HADH: variants seen among roughly 807,000 people sequenced by gnomAD.
The protein encoded by HADH is hydroxyacyl-CoA dehydrogenase, also known as hydroxyacyl-coenzyme A dehydrogenase, mitochondrial.
In HADH, 24 loss-of-function variants were observed where a neutral mutation model predicts 32.2. The observed-to-expected ratio is 0.75, with a 90% CI of 0.54 to 1.05. The LOEUF is 1.05. Ranked by LOEUF, HADH falls within the 50% of genes least tolerant of loss-of-function variation. The pLI is 0.00. For synonymous variants in HADH, 139 were observed against 152.5 expected (o/e 0.91, Z 0.65); for missense variants, 350 against 397.1 (o/e 0.88, Z 1.01).
In HADH at chr4:108,022,432, G is replaced by A. The variant is rs929155296; in HGVS notation, c.547-1042G>A. On this transcript the variant is annotated intron_variant, in intron 4 of 7. Coordinates refer to ENST00000309522, the MANE Select transcript of HADH (RefSeq NM_005327.7). ...GTGCCCTTGCCTGTACCTCACAGAG[G>A]TCAGGAGGGCTGCTGGAGCAGGTGG... 5.9e-5 allele frequency among the ~76,000 whole-genome samples: 9 copies of A among 152,192 alleles called. No individual in the cohort carries two copies. The East Asian group carries it at 1.7e-3, about 30-fold the overall frequency.
chr4:108,023,160 ATTTTTGTATTT>A (rs1735949937), intron 4 of HADH, among the ~76,000 whole-genome samples: 1 of 151,848 alleles, frequency 6.6e-6, no homozygotes, highest in Non-Finnish European at 1.5e-5. Context: ...TGCCCAACTA[ATTTTTGTATTT>A]TTAGTAGAGA....
intron 6 of HADH, 52 bp downstream of exon 6, chr4:108,027,812 T>A: frequency 9.6e-7 from 1 of 1,038,888 alleles, no homozygotes. Flanking sequence ...CTGGCGCCAC[T>A]GTCTGGAATT....
At chr4:108,025,661 G>C (rs1736041742) in intron 5 of HADH, 1 of 152,180 alleles carries the variant, frequency 6.6e-6, no homozygotes, top group Non-Finnish European at 1.5e-5. Flanking sequence ...GGCCAAGGCT[G>C]GTGGATCACT....
Position 108,000,936 on chromosome 4 carries a change from G to A in HADH, c.133-8823G>A, listed in dbSNP as rs1735102962. Among the ~76,000 whole-genome samples the A allele has an allele frequency of 2.6e-5, 4 of 152,318 alleles. No individual in the cohort carries two copies. In the South Asian group the frequency reaches 8.3e-4, roughly 32 times the overall value. ...TGTGATAAGTACTAAGGGCTACAAA[G>A]ACCAAATCAATTTCTGCCATTAAGG... On this transcript the variant is annotated intron_variant, in intron 1 of 7. Transcript: ENST00000309522.
At chr4:107,999,837 T>C (rs538884428) in intron 1 of HADH, among the ~76,000 whole-genome samples, 2 of 152,340 alleles carry the variant, frequency 1.3e-5, no homozygotes, top group Admixed American at 1.3e-4. Context: ...GGATTTGATC[T>C]GAAACAGATG....
chr4:108,032,389 A>G (rs749748945), intron 6 of HADH: 2 of 1,575,828 alleles, frequency 1.3e-6, no homozygotes, highest in Non-Finnish European at 1.7e-6. Flanking sequence ...TATCTTGACT[A>G]AAAGGTTTGT....
chr4:108,016,067 G>T (rs1391046939), intron 3 of HADH, among the ~76,000 whole-genome samples: 1 of 152,144 alleles, frequency 6.6e-6, no homozygotes, highest in African/African-American at 2.4e-5. Context: ...ACTCTTGGGA[G>T]TGTTAAAGGA....
At chr4:108,019,749 A>G in intron 4 of HADH, 83 bp downstream of exon 4, 1 of 1,526,490 alleles carries the variant, frequency 6.6e-7, no homozygotes. Flanking sequence ...CAGCCCTGCC[A>G]CCAGTTGCCT....
At chr4:107,999,673 A>C (rs1017125686) in intron 1 of HADH, among the ~76,000 whole-genome samples, 8 of 152,216 alleles carry the variant, frequency 5.3e-5, no homozygotes, top group Admixed American at 1.3e-4. Flanking sequence ...TGTTCATTTC[A>C]TGAGTATGAA....
At chr4:108,017,894 A>G (rs969197607) in intron 3 of HADH, among the ~76,000 whole-genome samples, 1 of 152,180 alleles carries the variant, frequency 6.6e-6, no homozygotes, top group Non-Finnish European at 1.5e-5. Flanking sequence ...CTATGTGTTT[A>G]GTATTCTCTG....
At chr4:108,032,113 T>G (rs1736286481) in intron 6 of HADH, 1 of 363,534 alleles carries the variant, frequency 2.8e-6, no homozygotes, top group Non-Finnish European at 4.8e-6. Context: ...CTGAGTGTCT[T>G]AACATTTTTC....
chr4:108,016,369 G>C (rs1274586967), intron 3 of HADH, among the ~76,000 whole-genome samples: 1 of 152,210 alleles, frequency 6.6e-6, no homozygotes, highest in Non-Finnish European at 1.5e-5. Context: ...GGCCAGAGAG[G>C]CCCTGCCCCT....
chr4:107,992,734 A>G (rs1168853035), intron 1 of HADH, among the ~76,000 whole-genome samples: 1 of 152,200 alleles, frequency 6.6e-6, no homozygotes, highest in African/African-American at 2.4e-5. Context: ...GCATATGTCA[A>G]GCAGTTACAT....
At chr4:108,020,642 C>T (rs1443778612) in intron 4 of HADH, among the ~76,000 whole-genome samples, 1 of 152,174 alleles carries the variant, frequency 6.6e-6, no homozygotes, top group African/African-American at 2.4e-5. Context: ...AGGCAATTTG[C>T]ACCTGAAATG....
At chr4:108,027,990 C>G (rs1736121896) in intron 6 of HADH, 1 of 602,108 alleles carries the variant, frequency 1.7e-6, no homozygotes, top group South Asian at 2.0e-5. Flanking sequence ...GAACTCCCAC[C>G]ACCCCCACTA....
chr4:108,013,910 C>T (rs895088611), intron 2 of HADH, among the ~76,000 whole-genome samples: 6 of 151,904 alleles, frequency 3.9e-5, no homozygotes, highest in East Asian at 3.9e-4. Context: ...ATTTTGGATG[C>T]CTTTGCTGAT....
chr4:108,011,661 C>G (rs1165151058), intron 2 of HADH, among the ~76,000 whole-genome samples: 2 of 152,144 alleles, frequency 1.3e-5, no homozygotes, highest in Non-Finnish European at 2.9e-5. Flanking sequence ...GGTTATATAC[C>G]TACAAGTAGA....
intron 4 of HADH, 32 bp downstream of exon 4, chr4:108,019,698 C>A (rs377007645): frequency 1.2e-5 from 19 of 1,612,950 alleles, no homozygotes; most frequent in Non-Finnish European, 1.4e-5. Context: ...TGTGTCTGCC[C>A]GCTCTGCCAG....
At chr4:108,013,831 C>T (rs1735589294) in intron 2 of HADH, among the ~76,000 whole-genome samples, 1 of 151,750 alleles carries the variant, frequency 6.6e-6, no homozygotes, top group Non-Finnish European at 1.5e-5. Context: ...ATGTCTTTTC[C>T]CTTTTTTTAA....
Sources: gnomAD v4.1 joint callset for allele counts (sites outside exome capture counted in the v4.1 genomes callset) on GRCh38, gnomAD v4.1.1 for gene constraint, MANE v1.5 for transcripts, NCBI Gene and HGNC (gene_info 2026-07-23, HGNC 2026-07-21) for gene names.